The following SLC24A3 variants were observed in gnomAD, a reference collection of about 807,000 sequenced individuals.
The protein encoded by SLC24A3 is sodium/potassium/calcium exchanger 3.
A neutral mutation model predicts 75.8 loss-of-function variants in SLC24A3; 28 were observed. The observed-to-expected ratio is 0.37, with a 90% CI of 0.27 to 0.51. The LOEUF (loss-of-function observed/expected upper bound fraction) is 0.51, where lower values mean the gene tolerates loss of function less well. SLC24A3 is among the 20% of genes least tolerant of loss of function. The pLI is 0.94. For synonymous variants in SLC24A3, 372 were observed against 334.1 expected, an observed-to-expected ratio of 1.11 and a Z score of -1.24; for missense variants, 663 against 847.8, an observed-to-expected ratio of 0.78 and a Z score of 2.71.
chr20:19,671,543 A>G (rs1315067503), intron 8 of SLC24A3, among the ~76,000 whole-genome samples: 1 of 152,164 alleles, frequency 6.6e-6, no homozygotes, highest in Non-Finnish European at 1.5e-5. Flanking sequence ...TATGGGAGTG[A>G]GGAAAAGGGA....
At chr20:19,231,603 T>TAA (rs1906246159) in intron 1 of SLC24A3, among the ~76,000 whole-genome samples, 1 of 152,180 alleles carries the variant, frequency 6.6e-6, no homozygotes, top group South Asian at 2.1e-4. Flanking sequence ...TGCAGATTCT[T>TAA]CCCAAGAGCT....
chr20:19,395,043 A>G (rs1240811390), intron 2 of SLC24A3, among the ~76,000 whole-genome samples: 1 of 152,242 alleles, frequency 6.6e-6, no homozygotes, highest in African/African-American at 2.4e-5. Flanking sequence ...AAAAAGGAAG[A>G]CAATTCTGGC....
At chr20:19,463,210 C>T (rs1320644511) in intron 2 of SLC24A3, among the ~76,000 whole-genome samples, 3 of 152,336 alleles carry the variant, frequency 2.0e-5, no homozygotes, top group Admixed American at 6.5e-5. Flanking sequence ...GAGGCACTCA[C>T]GTGACTCCTG....
chr20:19,668,103 A>G (rs560265499), intron 8 of SLC24A3, among the ~76,000 whole-genome samples: 1 of 152,290 alleles, frequency 6.6e-6, no homozygotes, highest in African/African-American at 2.4e-5. Flanking sequence ...CCTTGGTGGC[A>G]CCAGAACTAC....
chr20:19,543,688 T>A (rs1005597934), intron 3 of SLC24A3, among the ~76,000 whole-genome samples: 1 of 152,200 alleles, frequency 6.6e-6, no homozygotes, highest in Non-Finnish European at 1.5e-5. Flanking sequence ...GGCTCTAGGA[T>A]GAAAACAGTC....
At chr20:19,637,498 A>G (rs902669100) in intron 6 of SLC24A3, among the ~76,000 whole-genome samples, 1 of 152,246 alleles carries the variant, frequency 6.6e-6, no homozygotes, top group Non-Finnish European at 1.5e-5. Flanking sequence ...AATCTTTTGA[A>G]TAGGGAGTAG....
intron 2 of SLC24A3, among the ~76,000 whole-genome samples, chr20:19,506,986 T>G (rs1302344231): frequency 6.6e-6 from 1 of 152,348 alleles, no homozygotes; most frequent in Admixed American, 6.5e-5. Context: ...CCTTCTCCCA[T>G]GCCTGCCTGA....
At chr20:19,337,187 G>A (rs977783625) in intron 2 of SLC24A3, among the ~76,000 whole-genome samples, 2 of 152,180 alleles carry the variant, frequency 1.3e-5, no homozygotes, top group Non-Finnish European at 2.9e-5. Flanking sequence ...GCTCACGCCT[G>A]TAATCCCAGC....
At chr20:19,382,269 C>G (rs1986195710) in intron 2 of SLC24A3, among the ~76,000 whole-genome samples, 1 of 152,098 alleles carries the variant, frequency 6.6e-6, no homozygotes, top group African/African-American at 2.4e-5. Flanking sequence ...ATGCAAAAAC[C>G]AGCGTGATAG....
intron 3 of SLC24A3, among the ~76,000 whole-genome samples, chr20:19,522,227 G>T (rs2030111956): frequency 6.6e-6 from 1 of 152,134 alleles, no homozygotes; most frequent in Non-Finnish European, 1.5e-5. Context: ...CCTCGTTTAT[G>T]TCATCAACTT....
At chr20:19,696,723 C>T in intron 13 of SLC24A3, 74 bp from the exon 14 acceptor site, 1 of 984,956 alleles carries the variant, frequency 1.0e-6, no homozygotes, top group Non-Finnish European at 1.6e-6. Context: ...TGTTGTGAGT[C>T]TCCATCAGAA....
At chr20:19,222,798 T>A (rs1981759100) in intron 1 of SLC24A3, among the ~76,000 whole-genome samples, 1 of 125,316 alleles carries the variant, frequency 8.0e-6, no homozygotes. Context: ...CCTTCCTTCC[T>A]TCCTTCCTTC....
At chr20:19,717,979 C>T (rs931608737) in intron 16 of SLC24A3, among the ~76,000 whole-genome samples, 1 of 152,136 alleles carries the variant, frequency 6.6e-6, no homozygotes, top group Non-Finnish European at 1.5e-5. Context: ...ATTTTATTGA[C>T]AGTACATTTT....
At chr20:19,595,728 T>C (rs34038646) in intron 6 of SLC24A3, among the ~76,000 whole-genome samples, 50,307 of 152,088 alleles carry the variant, frequency 0.33, 10,159 homozygotes, top group Non-Finnish European at 0.46. Context: ...GCAAGGAGCA[T>C]CTGAACCAAT....
chr20:19,385,341 A>G (rs1199807103), intron 2 of SLC24A3, among the ~76,000 whole-genome samples: 2 of 152,214 alleles, frequency 1.3e-5, no homozygotes, highest in Admixed American at 6.5e-5. Flanking sequence ...GTGTGAGATA[A>G]TGGTCCAATT....
intron 3 of SLC24A3, among the ~76,000 whole-genome samples, chr20:19,565,100 C>A (rs929277225): frequency 3.3e-5 from 5 of 152,222 alleles, no homozygotes; most frequent in Non-Finnish European, 7.3e-5. Flanking sequence ...CCAACACACC[C>A]GGCTTCCATC....
At chr20:19,365,453 G>A (rs952465273) in intron 2 of SLC24A3, among the ~76,000 whole-genome samples, 3 of 152,136 alleles carry the variant, frequency 2.0e-5, no homozygotes, top group East Asian at 1.9e-4. Flanking sequence ...ACTGTGGGGC[G>A]TTTCTTTAAT....
intron 15 of SLC24A3, among the ~76,000 whole-genome samples, chr20:19,703,522 T>A (rs2032896732): frequency 6.6e-6 from 1 of 152,234 alleles, no homozygotes; most frequent in Non-Finnish European, 1.5e-5. Context: ...ACTCCTGAGA[T>A]CTTTGCCATG....
At chr20:19,439,336 T>C (rs994295813) in intron 2 of SLC24A3, among the ~76,000 whole-genome samples, 1 of 152,228 alleles carries the variant, frequency 6.6e-6, no homozygotes, top group South Asian at 2.1e-4. Flanking sequence ...TTTTCGTCTT[T>C]GTATTTTTGC....
Sources: allele counts gnomAD v4.1 joint callset (sites outside exome capture counted in the v4.1 genomes callset), GRCh38; gene constraint gnomAD v4.1.1; transcripts MANE v1.5; gene names NCBI Gene and HGNC (gene_info 2026-07-23, HGNC 2026-07-21).